XXYLT1: variants seen among roughly 807,000 people sequenced by gnomAD.
XXYLT1 encodes xyloside xylosyltransferase 1.
Under a neutral mutation model 28.9 loss-of-function variants are expected in XXYLT1, and 20 were observed. That is an observed-to-expected ratio of 0.69 (90% CI 0.49 to 1.00). The LOEUF is 1.00. XXYLT1 is among the 50% of genes least tolerant of loss of function. XXYLT1 has a pLI of 0.00. For missense variants in XXYLT1, 542 were observed against 560.1 expected (o/e 0.97, Z 0.33); for synonymous variants, 257 against 253.8 (o/e 1.01, Z -0.12).
At chr3:195,121,728 G>A (rs1009496247) in intron 3 of XXYLT1, among the ~76,000 whole-genome samples, 3 of 152,192 alleles carry the variant, frequency 2.0e-5, no homozygotes, top group African/African-American at 7.2e-5. Flanking sequence ...AGACTCTACA[G>A]GAGAACACTC....
chr3:195,214,260 G>A (rs951667964), intron 2 of XXYLT1, among the ~76,000 whole-genome samples: 2 of 152,108 alleles, frequency 1.3e-5, no homozygotes, highest in African/African-American at 4.8e-5. Flanking sequence ...CTGTGCATGG[G>A]ACCATGCTCA....
chr3:195,072,667 T>C (rs1714891103), intron 3 of XXYLT1, among the ~76,000 whole-genome samples: 1 of 152,124 alleles, frequency 6.6e-6, no homozygotes, highest in Admixed American at 6.5e-5. Context: ...AAATTGGGCG[T>C]GCAAGCTGCC....
At chr3:195,258,322 G>A (rs1254301175) in intron 1 of XXYLT1, among the ~76,000 whole-genome samples, 1 of 152,166 alleles carries the variant, frequency 6.6e-6, no homozygotes, top group African/African-American at 2.4e-5. Context: ...TCTCCCCAGA[G>A]GCCCGGCCTT....
At chr3:195,137,254 A>G (rs1719247626) in intron 3 of XXYLT1, among the ~76,000 whole-genome samples, 1 of 152,152 alleles carries the variant, frequency 6.6e-6, no homozygotes, top group African/African-American at 2.4e-5. Flanking sequence ...GGCATTACAA[A>G]CTGAAGTTTG....
intron 1 of XXYLT1, among the ~76,000 whole-genome samples, chr3:195,251,862 G>T (rs1390719257): frequency 1.3e-5 from 2 of 152,170 alleles, no homozygotes; most frequent in Non-Finnish European, 2.9e-5. Context: ...ACACACCCCA[G>T]GACCCAGCAG....
intron 1 of XXYLT1, among the ~76,000 whole-genome samples, chr3:195,239,281 G>A (rs943741043): frequency 6.6e-6 from 1 of 152,168 alleles, no homozygotes; most frequent in African/African-American, 2.4e-5. Flanking sequence ...GCTGGCACCT[G>A]TCATACTCTG....
intron 3 of XXYLT1, among the ~76,000 whole-genome samples, chr3:195,119,649 G>A (rs1718238196): frequency 8.0e-6 from 1 of 124,472 alleles, no homozygotes; most frequent in African/African-American, 2.9e-5. Flanking sequence ...ACAATGAGCT[G>A]GATGCCCCCA....
chr3:195,073,678 T>C (rs750877902), intron 3 of XXYLT1, among the ~76,000 whole-genome samples: 34 of 152,154 alleles, frequency 2.2e-4, no homozygotes, highest in Non-Finnish European at 4.4e-4. Flanking sequence ...CTGGTAAATA[T>C]TGGGTCTTTT....
intron 2 of XXYLT1, among the ~76,000 whole-genome samples, chr3:195,158,955 C>A (rs1197193162): frequency 6.6e-6 from 1 of 152,132 alleles, no homozygotes; most frequent in Non-Finnish European, 1.5e-5. Flanking sequence ...GAGGGTTACA[C>A]AGAACGCTGA....
intron 1 of XXYLT1, among the ~76,000 whole-genome samples, chr3:195,233,730 TTTGA>T (rs1463220634): frequency 6.6e-6 from 1 of 152,236 alleles, no homozygotes; most frequent in Non-Finnish European, 1.5e-5. Context: ...AGTTATTATT[TTTGA>T]TTGGTTTATC....
chr3:195,143,843 GAT>G (rs72344936), intron 3 of XXYLT1, among the ~76,000 whole-genome samples: 1,184 of 89,306 alleles, frequency 0.013, 75 homozygotes, highest in African/African-American at 0.051. Flanking sequence ...TATAGATATA[GAT>G]ATATATATAG....
chr3:195,143,799 TAG>T (rs1264431671), intron 3 of XXYLT1, among the ~76,000 whole-genome samples: 2,754 of 101,958 alleles, frequency 0.027, 176 homozygotes, highest in African/African-American at 0.085. Context: ...TATATATATA[TAG>T]ATAGATATAT....
intron 3 of XXYLT1, among the ~76,000 whole-genome samples, chr3:195,107,266 G>A (rs140891550): frequency 0.018 from 2,738 of 151,764 alleles, 78 homozygotes; most frequent in African/African-American, 0.061. Context: ...CTGAGGTCGG[G>A]AGTTCGAGAC....
intron 3 of XXYLT1, chr3:195,121,875 C>A: frequency 1.7e-6 from 1 of 604,516 alleles, no homozygotes; most frequent in South Asian, 2.0e-5. Context: ...ACCAAGTCAT[C>A]TCTAAAGGCA....
At chr3:195,259,670 C>G (rs943553924) in intron 1 of XXYLT1, 2 of 985,374 alleles carry the variant, frequency 2.0e-6, no homozygotes, top group Non-Finnish European at 2.4e-6. Context: ...ATTAAGGACG[C>G]CGGGCTCCAG....
chr3:195,192,146 G>A (rs566400241), intron 2 of XXYLT1, among the ~76,000 whole-genome samples: 6 of 152,278 alleles, frequency 3.9e-5, no homozygotes, highest in Non-Finnish European at 5.9e-5. Context: ...GTTTGAGGTC[G>A]GGTACAGTGG....
At chr3:195,215,194 C>G (rs1723516248) in intron 2 of XXYLT1, among the ~76,000 whole-genome samples, 1 of 150,688 alleles carries the variant, frequency 6.6e-6, no homozygotes, top group Non-Finnish European at 1.5e-5. Flanking sequence ...AAAGGAACAA[C>G]CGGTACCAGC....
Position 195,240,003 on chromosome 3 carries a change from C to G in XXYLT1, c.505-13147G>C, listed in dbSNP as rs1724709119. Among the ~76,000 whole-genome samples the G allele has an allele frequency of 6.6e-6, 1 of 152,180 alleles. No homozygotes were observed. Among genetic ancestry groups the G allele is most frequent in the African/African-American group, 2.4e-5 (1 of 41,430 alleles). Reference sequence around the variant, plus strand: ...AATATCCCACCCCAGGAATATCCTGCCCCAGAAATGATTAAATCTGTGTTA... The same window carrying G: ...AATATCCCACCCCAGGAATATCCTGGCCCAGAAATGATTAAATCTGTGTTA... On this transcript the variant is annotated intron_variant, in intron 1 of 3. Coordinates refer to ENST00000310380, the MANE Select transcript of XXYLT1 (RefSeq NM_152531.5). The surrounding 1 kb of genome is among the most constrained non-coding windows in gnomAD (Gnocchi z 4.7).
rs72162632 is a variant in XXYLT1, at chr3:195,195,075, TG to T, written c.652+31633del. On this transcript the variant is annotated intron_variant, in intron 2 of 3. Transcript: ENST00000310380. This position sits in a 1 kb window ranked among gnomAD's most constrained non-coding sequence, Gnocchi z 4.4. ...GGTATAAACTGTACCTCAACAAAGC[TG>T]GGTTTTTTTTTTAAAAGGACAATGT... Among the ~76,000 whole-genome samples the T allele has an allele frequency of 0.051, 7,748 of 151,512 alleles. 605 individuals are homozygous for T. Among genetic ancestry groups the T allele is most frequent in the African/African-American group, 0.18 (7,306 of 41,356 alleles).
Sources: allele counts gnomAD v4.1 joint callset (sites outside exome capture counted in the v4.1 genomes callset), GRCh38; gene constraint gnomAD v4.1.1; non-coding constraint Gnocchi (gnomAD v3.1); transcripts MANE v1.5; gene names NCBI Gene and HGNC (gene_info 2026-07-23, HGNC 2026-07-21).